GPHN: variants seen among roughly 807,000 people sequenced by gnomAD.
GPHN encodes gephyrin.
GPHN carries 17 observed loss-of-function variants against 95.5 expected under a neutral mutation model. The observed-to-expected ratio is 0.18, with a 90% CI of 0.12 to 0.27. GPHN has a LOEUF of 0.27. GPHN is among the 10% of genes least tolerant of loss of function. GPHN has a pLI of 1.00. For synonymous variants in GPHN, 320 were observed against 322.5 expected (o/e 0.99, Z 0.08); for missense variants, 660 against 978.1 (o/e 0.67, Z 4.34).
chr14:67,642,418 A>AT, the GPHN span: 1 of 1,570,206 alleles, frequency 6.4e-7, no homozygotes, highest in Non-Finnish European at 8.7e-7. Flanking sequence ...CTTGGGGCTC[A>AT]TAACTTAGCT....
At position 67,122,357 on chromosome 14, in the gene GPHN, C is replaced by T. The variant is rs1459399566; in HGVS notation, c.1728C>T (p.Asn576=). 6.2e-7 allele frequency: 1 copy of T among 1,612,922 alleles called. No homozygotes were observed. Among genetic ancestry groups the T allele is most frequent in the African/African-American group, 1.3e-5 (1 of 74,884 alleles). The change falls in exon 17 of 23, where the codon AAC becomes AAT. Residue 576 remains asparagine, a synonymous_variant. Transcript: ENST00000478722. Reference sequence around the variant, plus strand: ...AGGAACATGGTTACCCCACGATCAACTTGGGTATTGTAGGAGACAAGTAAG... The same window carrying T: ...AGGAACATGGTTACCCCACGATCAATTTGGGTATTGTAGGAGACAAGTAAG... The part of the protein sequence containing the change: ...TIQEHGYPTI[N]LGIVGDNPDD...
the GPHN span, among the ~76,000 whole-genome samples, chr14:67,669,139 T>G: frequency 5.6e-4 from 86 of 152,280 alleles, no homozygotes; most frequent in African/African-American, 2.0e-3. Flanking sequence ...GAAAAACTAA[T>G]TGGGTTAAAG....
At chr14:67,054,001 TATC>T (rs1294143191) in intron 10 of GPHN, among the ~76,000 whole-genome samples, 3 of 152,118 alleles carry the variant, frequency 2.0e-5, no homozygotes, top group South Asian at 2.1e-4. Context: ...CCACAGCCAA[TATC>T]ATACTGAATG....
the GPHN span, among the ~76,000 whole-genome samples, chr14:67,202,568 G>T: frequency 6.6e-6 from 1 of 152,028 alleles, no homozygotes; most frequent in East Asian, 1.9e-4. Context: ...TACTTCTAAG[G>T]TTATAAATAT....
intron 1 of GPHN, among the ~76,000 whole-genome samples, chr14:66,534,090 T>C (rs1004623865): frequency 6.6e-6 from 1 of 152,212 alleles, no homozygotes; most frequent in Non-Finnish European, 1.5e-5. Context: ...TCTCCAAGTA[T>C]ACATCCATAT....
chr14:66,619,490 T>G (rs2063194874), intron 1 of GPHN, among the ~76,000 whole-genome samples: 1 of 149,170 alleles, frequency 6.7e-6, no homozygotes, highest in South Asian at 2.1e-4. Flanking sequence ...ATTCTCAGGT[T>G]TTTTTTTTTT....
the GPHN span, among the ~76,000 whole-genome samples, chr14:67,629,522 TG>T: frequency 6.6e-6 from 1 of 152,142 alleles, no homozygotes; most frequent in Non-Finnish European, 1.5e-5. Flanking sequence ...TACTAGGACT[TG>T]GTGGGAGAAG....
chr14:67,609,822 T>C, the GPHN span, among the ~76,000 whole-genome samples: 10 of 152,150 alleles, frequency 6.6e-5, no homozygotes, highest in African/African-American at 2.4e-4. Context: ...CGCTAGGGGC[T>C]GGCACTAAAG....
At chr14:67,650,835 GAGA>G in the GPHN span, 17 of 1,614,046 alleles carry the variant, frequency 1.1e-5, no homozygotes, top group East Asian at 6.7e-5. Context: ...GGTCAGACAA[GAGA>G]AGGAGGGCAT....
At chr14:66,924,904 C>A (rs1304452663) in intron 8 of GPHN, among the ~76,000 whole-genome samples, 2 of 150,648 alleles carry the variant, frequency 1.3e-5, no homozygotes, top group African/African-American at 2.4e-5. Flanking sequence ...TAAACTGATA[C>A]ATAAAAATCA....
intron 5 of GPHN, among the ~76,000 whole-genome samples, chr14:66,894,143 G>C (rs113450344): frequency 0.015 from 2,302 of 152,208 alleles, 32 homozygotes; most frequent in Non-Finnish European, 0.018. Context: ...AAAACAGCAT[G>C]GTACTGGTAC....
At chr14:67,169,291 T>C (rs537013688) in intron 21 of GPHN, among the ~76,000 whole-genome samples, 1 of 152,272 alleles carries the variant, frequency 6.6e-6, no homozygotes, top group African/African-American at 2.4e-5. Context: ...GCTTAAAAAC[T>C]TGAGTGATAC....
At chr14:67,691,254 C>A in the GPHN span, 1 of 1,602,558 alleles carries the variant, frequency 6.2e-7, no homozygotes, top group Non-Finnish European at 8.5e-7. Context: ...TCTGCAGGGA[C>A]AAGACGATGG....
chr14:67,361,285 T>C, the GPHN span, among the ~76,000 whole-genome samples: 4 of 152,152 alleles, frequency 2.6e-5, no homozygotes, highest in Non-Finnish European at 5.9e-5. Context: ...CTCAATTGAG[T>C]TGTTATTCAA....
At chr14:67,352,085 G>A in the GPHN span, among the ~76,000 whole-genome samples, 1 of 151,770 alleles carries the variant, frequency 6.6e-6, no homozygotes, top group Non-Finnish European at 1.5e-5. Context: ...AGGTGGTTGA[G>A]ACCACCCTGG....
chr14:67,116,981 G>C (rs559256275), intron 16 of GPHN, among the ~76,000 whole-genome samples: 45 of 152,160 alleles, frequency 3.0e-4, no homozygotes, highest in Admixed American at 2.7e-3. Context: ...CTCTTTTTGT[G>C]TTAGACCTAT....
At chr14:66,699,104 T>G (rs984279291) in intron 2 of GPHN, among the ~76,000 whole-genome samples, 1 of 152,188 alleles carries the variant, frequency 6.6e-6, no homozygotes, top group Non-Finnish European at 1.5e-5. Context: ...TCTAGCATAT[T>G]CCAGTTATCA....
chr14:66,621,514 C>T (rs1315702362), intron 1 of GPHN, among the ~76,000 whole-genome samples: 3 of 151,758 alleles, frequency 2.0e-5, no homozygotes, highest in Admixed American at 2.0e-4. Flanking sequence ...CAGCTCCACC[C>T]CCTGGGTTCA....
intron 9 of GPHN, 37 bp downstream of exon 9, chr14:66,965,362 C>G (rs765049949): frequency 6.3e-7 from 1 of 1,590,582 alleles, no homozygotes; most frequent in Admixed American, 1.7e-5. Context: ...ACCTGCTCTT[C>G]TATAGTAATC....
Sources: gnomAD v4.1 joint callset for allele counts (sites outside exome capture counted in the v4.1 genomes callset) on GRCh38, gnomAD v4.1.1 for gene constraint, MANE v1.5 for transcripts, NCBI Gene and HGNC (gene_info 2026-07-23, HGNC 2026-07-21) for gene names.